Variants in PVT1 observed in about 807,000 individuals in gnomAD.
The protein encoded by PVT1 is CXCR4/PVT1 fusion.
At chr8:127,870,189 AGAG>A (rs1018319154) in intron 2 of PVT1, among the ~76,000 whole-genome samples, 1 of 152,228 alleles carries the variant, frequency 6.6e-6, no homozygotes, top group African/African-American at 2.4e-5. Flanking sequence ...CCATGTCCTC[AGAG>A]GAGAAGAGAG....
chr8:127,988,013 G>A (rs1380733926), intron 3 of PVT1, among the ~76,000 whole-genome samples: 2 of 152,166 alleles, frequency 1.3e-5, no homozygotes, highest in Non-Finnish European at 2.9e-5. Context: ...GAGGAGGCGA[G>A]GACTCTGAGG....
intron 3 of PVT1, among the ~76,000 whole-genome samples, chr8:127,959,577 C>A (rs1324050714): frequency 1.6e-5 from 2 of 126,440 alleles, no homozygotes; most frequent in Non-Finnish European, 3.2e-5. Context: ...GCGCGAGACT[C>A]TGTCTCAGGA....
intron 6 of PVT1, among the ~76,000 whole-genome samples, chr8:128,097,779 A>G (rs1352295561): frequency 6.6e-6 from 1 of 152,312 alleles, no homozygotes; most frequent in Middle Eastern, 3.4e-3. Flanking sequence ...TTCAGAGTCC[A>G]TACTTCCTAG....
At chr8:127,860,332 T>C (rs1030543446) in intron 2 of PVT1, among the ~76,000 whole-genome samples, 4 of 152,182 alleles carry the variant, frequency 2.6e-5, no homozygotes, top group African/African-American at 9.7e-5. Context: ...CTCGAAGGCA[T>C]CTTCAGAAGG....
chr8:127,999,812 A>G (rs1817154720), intron 4 of PVT1, among the ~76,000 whole-genome samples: 1 of 152,204 alleles, frequency 6.6e-6, no homozygotes, highest in South Asian at 2.1e-4. Flanking sequence ...TTGACTGACA[A>G]AAGAAGGTAA....
intron 4 of PVT1, among the ~76,000 whole-genome samples, chr8:127,992,616 G>T (rs1048173810): frequency 2.6e-5 from 4 of 152,172 alleles, no homozygotes; most frequent in South Asian, 2.1e-4. Flanking sequence ...CTTGCCCGAG[G>T]AAATGGGCAA....
intron 3 of PVT1, among the ~76,000 whole-genome samples, chr8:127,942,728 G>A (rs1038165172): frequency 1.3e-5 from 2 of 152,144 alleles, no homozygotes; most frequent in Admixed American, 1.3e-4. Context: ...CTAAGTATTG[G>A]AGCCTCCAGC....
At chr8:127,817,404 TA>T (rs1296957472) in intron 2 of PVT1, among the ~76,000 whole-genome samples, 8 of 124,026 alleles carry the variant, frequency 6.5e-5, no homozygotes, top group African/African-American at 1.6e-4. Context: ...ATATATTAAA[TA>T]ATATATATTT....
intron 2 of PVT1, among the ~76,000 whole-genome samples, chr8:127,815,679 A>G (rs969711717): frequency 1.3e-5 from 2 of 152,220 alleles, no homozygotes; most frequent in Admixed American, 6.5e-5. Context: ...ATCCCAACAT[A>G]TTGAATCACC....
At chr8:127,915,150 G>T (rs986161766) in intron 3 of PVT1, among the ~76,000 whole-genome samples, 3 of 152,042 alleles carry the variant, frequency 2.0e-5, no homozygotes, top group Non-Finnish European at 4.4e-5. Flanking sequence ...TTATTTGAGG[G>T]TGATGAAAAT....
intron 4 of PVT1, among the ~76,000 whole-genome samples, chr8:128,026,668 G>A (rs536961051): frequency 5.3e-5 from 8 of 152,256 alleles, no homozygotes; most frequent in African/African-American, 1.9e-4. Context: ...GGGAAGGCAG[G>A]CAGCACCCAG....
intron 2 of PVT1, among the ~76,000 whole-genome samples, chr8:127,799,543 A>G (rs1007672188): frequency 2.6e-5 from 4 of 152,240 alleles, no homozygotes; most frequent in African/African-American, 9.6e-5. Flanking sequence ...TAGGGAAAGT[A>G]TGCTGATGAA....
intron 4 of PVT1, among the ~76,000 whole-genome samples, chr8:127,996,880 G>A (rs1162922915): frequency 2.0e-5 from 3 of 151,958 alleles, no homozygotes; most frequent in Non-Finnish European, 2.9e-5. Flanking sequence ...CCAGCCCTCT[G>A]GCTGGGAAGA....
rs1282518470 is a variant in PVT1 at position 127,839,838 on chromosome 8, GC to G, written n.372+43768del. ...GTGTTGCCAGGGCTGGGGAGGATTG[GC>G]TGCAGTGTGGGGTACCCAGCCGCTG... is the stretch of plus-strand genomic sequence containing the variant. On this transcript the variant is annotated intron_variant and non_coding_transcript_variant, in intron 2 of 10. Transcript: ENST00000651587. Among the ~76,000 whole-genome samples, 10 of 152,286 alleles carry G rather than the reference GC, an allele frequency of 6.6e-5. No homozygotes were observed. The East Asian group carries it at 1.9e-3, about 29-fold the overall frequency.
chr8:127,864,582 C>T (rs1300920683), intron 2 of PVT1, among the ~76,000 whole-genome samples: 4 of 151,868 alleles, frequency 2.6e-5, no homozygotes, highest in African/African-American at 9.7e-5. Flanking sequence ...GAGTCTTGCT[C>T]TGTCACCCAG....
At position 127,984,994 on chromosome 8, in the gene PVT1, TTTCCTTCCTTCCTTCC is replaced by T. The variant is rs1202727973; in HGVS notation, n.783-4141_783-4126del. 1.6e-3 allele frequency among the ~76,000 whole-genome samples: 108 copies of T among 67,134 alleles called. 3 individuals are homozygous for T. Among genetic ancestry groups the T allele is most frequent in the Non-Finnish European group, 2.2e-3 (74 of 34,270 alleles). 44.0% of individuals were successfully genotyped at this position (67,134 alleles called of 152,430 possible). ...TCCTTCCTTCCTTTCTTTCTTTCTC[TTTCCTTCCTTCCTTCC>T]TTCCTTCCTTCCTTCCTTCCTTCCT... is the stretch of plus-strand genomic sequence containing the variant. On this transcript the variant is annotated intron_variant and non_coding_transcript_variant, in intron 3 of 10. Transcript: ENST00000651587.
chr8:127,813,819 C>T (rs1814627842), intron 2 of PVT1, among the ~76,000 whole-genome samples: 1 of 152,160 alleles, frequency 6.6e-6, no homozygotes, highest in African/African-American at 2.4e-5. Flanking sequence ...AAACGAGAGG[C>T]AGACCCAGGC....
intron 3 of PVT1, among the ~76,000 whole-genome samples, chr8:127,963,035 G>A (rs763913820): frequency 5.3e-5 from 8 of 152,230 alleles, no homozygotes; most frequent in Non-Finnish European, 1.0e-4. Flanking sequence ...CCTCTGGCCT[G>A]CGGGATTGAG....
intron 4 of PVT1, among the ~76,000 whole-genome samples, chr8:128,031,327 A>AGCTG (rs1813384400): frequency 6.6e-6 from 1 of 152,260 alleles, no homozygotes; most frequent in African/African-American, 2.4e-5. Context: ...ATTGTAGAAC[A>AGCTG]CAAAAGCTGC....
Sources: allele counts gnomAD v4.1 joint callset (sites outside exome capture counted in the v4.1 genomes callset), GRCh38; gene constraint gnomAD v4.1.1; transcripts MANE v1.5; gene names NCBI Gene and HGNC (gene_info 2026-07-23, HGNC 2026-07-21).